Variants in SRD5A2 observed in about 807,000 individuals in gnomAD.
SRD5A2 encodes the protein steroid 5 alpha-reductase 2, also known as 3-oxo-5-alpha-steroid 4-dehydrogenase 2.
Under a neutral mutation model 27.4 loss-of-function variants are expected in SRD5A2, and 30 were observed. That is an observed-to-expected ratio of 1.10 (90% CI 0.82 to 1.49). SRD5A2 has a LOEUF of 1.49. Ranked by LOEUF, SRD5A2 falls within the 40% of genes most tolerant of loss-of-function variation. The pLI, the probability that SRD5A2 is intolerant of heterozygous loss-of-function variation, is 0.00. For synonymous variants in SRD5A2, 141 were observed against 133.6 expected, an observed-to-expected ratio of 1.06 and a Z score of -0.38; for missense variants, 348 against 323.4, an observed-to-expected ratio of 1.08 and a Z score of -0.58.
At chr2:31,558,312 G>T (rs910576735) in intron 1 of SRD5A2, among the ~76,000 whole-genome samples, 1 of 152,156 alleles carries the variant, frequency 6.6e-6, no homozygotes, top group African/African-American at 2.4e-5. Flanking sequence ...AATTTCCTAG[G>T]CTGCCATAAC....
chr2:31,547,232 T>C (rs1017873744), intron 1 of SRD5A2, among the ~76,000 whole-genome samples: 1 of 152,230 alleles, frequency 6.6e-6, no homozygotes, highest in Non-Finnish European at 1.5e-5. Flanking sequence ...GGTGCTATGA[T>C]GGTTGATTTT....
intron 1 of SRD5A2, among the ~76,000 whole-genome samples, chr2:31,551,284 G>A (rs532263572): frequency 6.6e-6 from 1 of 151,972 alleles, no homozygotes; most frequent in East Asian, 1.9e-4. Context: ...CCCCCAAAAT[G>A]ACAATGCAAT....
chr2:31,650,659 G>A, the SRD5A2 span, among the ~76,000 whole-genome samples: 1 of 152,130 alleles, frequency 6.6e-6, no homozygotes, highest in Non-Finnish European at 1.5e-5. Context: ...CATGTTACAT[G>A]CTCTAGTTTT....
chr2:31,525,320 C>T lies in SRD5A2; in HGVS notation c.*876G>A, dbSNP rs1303975397. ...CTCATCATTAATTCTCTTTGTTTTA[C>T]ACTACTCATTATTTGGATATTGCCA... is the stretch of plus-strand genomic sequence containing the variant. On this transcript the variant is annotated 3_prime_UTR_variant, in exon 5 of 5. Transcript: ENST00000622030. 4.4e-6 allele frequency: 1 copy of T among 225,490 alleles called. No individual in the cohort carries two copies. Among genetic ancestry groups the T allele is most frequent in the Non-Finnish European group, 8.8e-6 (1 of 113,198 alleles). 14.0% of individuals were successfully genotyped at this position (225,490 alleles called of 1,614,324 possible).
At position 31,563,722 on chromosome 2, in the gene SRD5A2, A is replaced by C. The variant is rs146303563; in HGVS notation, c.281+16898T>G. 4.1e-3 allele frequency among the ~76,000 whole-genome samples: 619 copies of C among 152,272 alleles called. 8 individuals carry two copies. The highest frequency in any genetic ancestry group is 0.014 in the African/African-American group (583 of 41,564). On this transcript the variant is annotated intron_variant, in intron 1 of 4. Transcript: ENST00000622030. ...AATTCATGCATTTGTGTGAGGAAAG[A>C]ATCACCCAAAAGAATTAAAGGGAAC...
the SRD5A2 span, chr2:31,651,524 CA>C: frequency 4.9e-6 from 1 of 205,874 alleles, no homozygotes; most frequent in Non-Finnish European, 1.1e-5. Flanking sequence ...AAGGACTGCT[CA>C]AAAATTCATC....
the SRD5A2 span, among the ~76,000 whole-genome samples, chr2:31,586,490 T>C: frequency 6.6e-6 from 1 of 150,828 alleles, no homozygotes; most frequent in African/African-American, 2.5e-5. Context: ...ACAGTCATAG[T>C]GGTGGTGTCC....
At chr2:31,626,673 T>C in the SRD5A2 span, among the ~76,000 whole-genome samples, 29 of 152,290 alleles carry the variant, frequency 1.9e-4, no homozygotes, top group African/African-American at 6.7e-4. Context: ...GATCTGAGTA[T>C]GTTGAACCAG....
chr2:31,643,865 G>A, the SRD5A2 span, among the ~76,000 whole-genome samples: 10 of 152,084 alleles, frequency 6.6e-5, no homozygotes, highest in Non-Finnish European at 1.3e-4. Flanking sequence ...AATGGGGAGA[G>A]GAACACTTCC....
chr2:31,587,544 T>C, the SRD5A2 span, among the ~76,000 whole-genome samples: 89 of 152,288 alleles, frequency 5.8e-4, 1 homozygote, highest in African/African-American at 2.1e-3. Context: ...GTGGCACATA[T>C]ACACAATGGA....
chr2:31,539,524 G>A (rs1271569962), intron 1 of SRD5A2, among the ~76,000 whole-genome samples: 1 of 152,184 alleles, frequency 6.6e-6, no homozygotes, highest in Admixed American at 6.5e-5. Flanking sequence ...TTGCCAGGCT[G>A]TGTCAGAAAA....
At chr2:31,584,693 C>G (rs1667146874), upstream of SRD5A2, among the ~76,000 whole-genome samples, 2 of 152,044 alleles carry the variant, frequency 1.3e-5, no homozygotes. Flanking sequence ...CAAAAATATC[C>G]AAACAGAACT....
upstream of SRD5A2, among the ~76,000 whole-genome samples, chr2:31,584,606 T>C (rs1318153604): frequency 6.6e-6 from 1 of 152,168 alleles, no homozygotes; most frequent in African/African-American, 2.4e-5. Context: ...CCACTAACCC[T>C]TCAAGCTTGA....
chr2:31,615,761 G>A, the SRD5A2 span, among the ~76,000 whole-genome samples: 1 of 152,170 alleles, frequency 6.6e-6, no homozygotes, highest in African/African-American at 2.4e-5. Context: ...ATGTCTCCAA[G>A]GCATGTCAAA....
At chr2:31,531,333 A>G (rs1245950635) in intron 3 of SRD5A2, 38 bp downstream of exon 3, 7 of 1,443,550 alleles carry the variant, frequency 4.8e-6, no homozygotes, top group Non-Finnish European at 6.7e-6. Context: ...GACAGGCTCC[A>G]GGGAAGAGTG....
chr2:31,579,852 C>T (rs1667034533), intron 1 of SRD5A2, among the ~76,000 whole-genome samples: 1 of 152,170 alleles, frequency 6.6e-6, no homozygotes, highest in Non-Finnish European at 1.5e-5. Context: ...GAGCAGAAAG[C>T]AAAGTTCTCC....
chr2:31,660,949 G>C, the SRD5A2 span, among the ~76,000 whole-genome samples: 1 of 152,030 alleles, frequency 6.6e-6, no homozygotes, highest in African/African-American at 2.4e-5. Flanking sequence ...CAAAAGAAGG[G>C]TTCCATTAAT....
At chr2:31,580,989 T>A (rs1197899047), upstream of SRD5A2, 3 of 1,401,336 alleles carry the variant, frequency 2.1e-6, no homozygotes, top group Non-Finnish European at 1.9e-6. Flanking sequence ...ACGCCACCCG[T>A]GTCCGCCCCC....
At chr2:31,539,406 C>A (rs147975840) in intron 1 of SRD5A2, among the ~76,000 whole-genome samples, 1 of 152,302 alleles carries the variant, frequency 6.6e-6, no homozygotes, top group African/African-American at 2.4e-5. Context: ...TTTGTTATAA[C>A]AAACACCACA....
Sources: allele counts gnomAD v4.1 joint callset (sites outside exome capture counted in the v4.1 genomes callset), GRCh38; gene constraint gnomAD v4.1.1; transcripts MANE v1.5; gene names NCBI Gene and HGNC (gene_info 2026-07-23, HGNC 2026-07-21).